The following SRRM1 variants were observed in gnomAD, a reference collection of about 807,000 sequenced individuals.
SRRM1 encodes the protein serine/arginine repetitive matrix protein 1.
In SRRM1, 19 loss-of-function variants were observed where a neutral mutation model predicts 110.2. The ratio of observed to expected loss-of-function variants is 0.17; its 90% CI spans 0.12 to 0.25. SRRM1 has a LOEUF of 0.25. SRRM1 is among the 10% of genes least tolerant of loss of function. The probability of loss-of-function intolerance (pLI) is 1.00; values close to 1 mark genes in which losing one functional copy is unlikely to be tolerated. For missense variants in SRRM1, 918 were observed against 1,145.8 expected, an observed-to-expected ratio of 0.80 and a Z score of 2.87; for synonymous variants, 443 against 414.9, an observed-to-expected ratio of 1.07 and a Z score of -0.82.
rs778670801 is a variant in SRRM1 at position 24,655,057 on chromosome 1, C to G, written c.1243C>G (p.Pro415Ala). The G allele has an allele frequency of 1.2e-6, 2 of 1,614,200 alleles. No individual in the cohort carries two copies. The highest frequency in any genetic ancestry group is 1.7e-6 in the Non-Finnish European group (2 of 1,180,056). ...TCCACCACCCAAAACTCGGCATTCC[C>G]CTACACCCCAGCAGTCAAACCGTAC... is the stretch of plus-strand genomic sequence containing the variant. ...ATPPPKTRHSPTPQQSNRTRK... is the reference protein window; with the variant it reads ...ATPPPKTRHSATPQQSNRTRK... The change falls in exon 9 of 17, where the codon CCT (proline) becomes GCT (alanine). Residue 415 changes from proline to alanine, a missense_variant. Physicochemically the swap from Pro to Ala is conservative, Grantham distance 27 (BLOSUM62 -1). This residue lies in a region of SRRM1 where 456 missense variants were observed against 453.5 expected (regional missense o/e 1.01). Coordinates refer to ENST00000323848, the MANE Select transcript of SRRM1 (RefSeq NM_005839.4).
intron 12 of SRRM1, among the ~76,000 whole-genome samples, chr1:24,666,063 G>A (rs1669836088): frequency 6.6e-6 from 1 of 152,156 alleles, no homozygotes; most frequent in Non-Finnish European, 1.5e-5. Flanking sequence ...AGAATCACCT[G>A]GAGAGCCTTT....
At chr1:24,668,899 TC>T (rs1439067332) in intron 13 of SRRM1, among the ~76,000 whole-genome samples, 3 of 152,230 alleles carry the variant, frequency 2.0e-5, no homozygotes, top group African/African-American at 7.2e-5. Context: ...TGTCTTTTTT[TC>T]TTTTTTGTAC....
At chr1:24,658,267 A>G (rs575683272) in intron 9 of SRRM1, among the ~76,000 whole-genome samples, 61 of 148,070 alleles carry the variant, frequency 4.1e-4, no homozygotes, top group Non-Finnish European at 6.6e-4. Flanking sequence ...CTGGAGTGCA[A>G]TGGTGCAGTC....
At chr1:24,670,725 T>A (rs749497085) in intron 15 of SRRM1, among the ~76,000 whole-genome samples, 1 of 152,230 alleles carries the variant, frequency 6.6e-6, no homozygotes, top group Admixed American at 6.5e-5. Context: ...CTTGAACTCC[T>A]AGCCTCCAGT....
At chr1:24,671,890 GTGAGGTTGGT>G (rs1465338898) in intron 16 of SRRM1, among the ~76,000 whole-genome samples, 1 of 149,774 alleles carries the variant, frequency 6.7e-6, no homozygotes, top group Non-Finnish European at 1.5e-5. Context: ...CAAAAGATTT[GTGAGGTTGGT>G]TTTTTTTTTT....
intron 5 of SRRM1, 89 bp downstream of exon 5, chr1:24,650,175 AT>A: frequency 7.9e-7 from 1 of 1,264,370 alleles, no homozygotes; most frequent in Non-Finnish European, 1.0e-6. Flanking sequence ...TAACAGCGCT[AT>A]TCAAGGAATT....
At chr1:24,657,542 T>C (rs1311650484) in intron 9 of SRRM1, among the ~76,000 whole-genome samples, 1 of 152,180 alleles carries the variant, frequency 6.6e-6, no homozygotes, top group Non-Finnish European at 1.5e-5. Flanking sequence ...GTAATAGATA[T>C]TACAGTTAAT....
chr1:24,672,078 T>C, intron 16 of SRRM1, 104 bp from the exon 17 acceptor site: 1 of 834,062 alleles, frequency 1.2e-6, no homozygotes, highest in Non-Finnish European at 1.9e-6. Context: ...CCCACAACAG[T>C]CCCCGGTGTG....
chr1:24,656,905 A>T (rs918715048), intron 9 of SRRM1, among the ~76,000 whole-genome samples: 1 of 152,310 alleles, frequency 6.6e-6, no homozygotes, highest in African/African-American at 2.4e-5. Context: ...AAGAGTGGAT[A>T]TGTACATAGG....
rs1009577703 is a variant in SRRM1 at position 24,652,579 on chromosome 1, C to G, written c.871C>G (p.Arg291Gly). The G allele has an allele frequency of 1.9e-6, 3 of 1,613,526 alleles. No homozygotes were observed. The highest frequency in any genetic ancestry group is 1.7e-5 in the Admixed American group (1 of 59,938). ...RSKSRSRTRS[R>G]SPSHTRPRRR... The stretch of plus-strand genomic sequence containing the variant: ...CAAATCAAGATCCCGGACGCGGTCC[C>G]GCTCTCCTTCTCACACTCGACCTAG... Residue 291 changes from arginine to glycine, a missense_variant, in exon 7 of 17, where the codon CGC becomes GGC. By Grantham distance (125) the Arg-to-Gly change is moderately radical (BLOSUM62 -2). Coordinates refer to ENST00000323848, the MANE Select transcript of SRRM1 (RefSeq NM_005839.4).
At chr1:24,653,952 CAG>C (rs922929432) in intron 8 of SRRM1, among the ~76,000 whole-genome samples, 3 of 152,140 alleles carry the variant, frequency 2.0e-5, no homozygotes, top group African/African-American at 7.2e-5. Flanking sequence ...TCAGGTTTTT[CAG>C]AGTCCCATAT....
intron 12 of SRRM1, among the ~76,000 whole-genome samples, chr1:24,665,898 A>C (rs1005957733): frequency 2.0e-5 from 3 of 152,228 alleles, no homozygotes; most frequent in Non-Finnish European, 4.4e-5. Context: ...ACATAATTCC[A>C]GATTCACAGG....
chr1:24,646,212 A>T (rs1043280696), intron 2 of SRRM1, 139 bp downstream of exon 2: 2 of 642,482 alleles, frequency 3.1e-6, no homozygotes, highest in Non-Finnish European at 5.4e-6. Context: ...TAGCCACCAC[A>T]CGTGGCACAG....
chr1:24,656,154 A>T (rs968023363), intron 9 of SRRM1, among the ~76,000 whole-genome samples: 1 of 152,172 alleles, frequency 6.6e-6, no homozygotes, highest in African/African-American at 2.4e-5. Context: ...CATTTTAATG[A>T]GCTTGATGAG....
intron 2 of SRRM1, 68 bp from the exon 3 acceptor site, chr1:24,646,599 G>A (rs996367319): frequency 6.1e-5 from 85 of 1,383,966 alleles, no homozygotes; most frequent in Non-Finnish European, 8.0e-5. Flanking sequence ...TTGGTAGACA[G>A]AACTCTAACT....
At chr1:24,659,178 G>A (rs1424824009) in intron 9 of SRRM1, among the ~76,000 whole-genome samples, 2 of 150,772 alleles carry the variant, frequency 1.3e-5, no homozygotes, top group African/African-American at 4.9e-5. Context: ...TAGGCAACAA[G>A]AGCGAAACTC....
chr1:24,655,404 A>G (rs1391515084), intron 9 of SRRM1, among the ~76,000 whole-genome samples: 1 of 152,160 alleles, frequency 6.6e-6, no homozygotes, highest in African/African-American at 2.4e-5. Context: ...TTGGGGTAAC[A>G]TATCAAAGTT....
chr1:24,656,787 A>G (rs780767295), intron 9 of SRRM1, among the ~76,000 whole-genome samples: 1 of 152,210 alleles, frequency 6.6e-6, no homozygotes, highest in Non-Finnish European at 1.5e-5. Context: ...AGAGGGACCA[A>G]TCCTTGTTAA....
At chr1:24,669,916 C>G in intron 14 of SRRM1, 1 of 574,942 alleles carries the variant, frequency 1.7e-6, no homozygotes, top group East Asian at 2.9e-5. Flanking sequence ...GCATCATTAA[C>G]AGAATAGATA....
Sources: allele counts gnomAD v4.1 joint callset (sites outside exome capture counted in the v4.1 genomes callset), GRCh38; gene constraint gnomAD v4.1.1; regional missense constraint gnomAD v4.1.1; transcripts MANE v1.5; gene names NCBI Gene and HGNC (gene_info 2026-07-23, HGNC 2026-07-21).